PIWIL3: variants seen among roughly 807,000 people sequenced by gnomAD.
PIWIL3 encodes the protein piwi like RNA-mediated gene silencing 3.
A neutral mutation model predicts 109.7 loss-of-function variants in PIWIL3; 101 were observed. The observed-to-expected ratio is 0.92, with a 90% CI of 0.78 to 1.09. PIWIL3 has a LOEUF of 1.09. PIWIL3 is among the 50% of genes least tolerant of loss of function. The probability of loss-of-function intolerance (pLI) is 0.00; values close to 1 mark genes in which losing one functional copy is unlikely to be tolerated. For missense variants in PIWIL3, 1,031 were observed against 1,072.6 expected, an observed-to-expected ratio of 0.96 and a Z score of 0.54; for synonymous variants, 373 against 376.4, an observed-to-expected ratio of 0.99 and a Z score of 0.10.
At chr22:24,727,800 T>G in intron 16 of PIWIL3, 150 bp downstream of exon 16, 1 of 663,144 alleles carries the variant, frequency 1.5e-6, no homozygotes, top group Non-Finnish European at 2.5e-6. Context: ...GAACATAACT[T>G]TGCCAGAAAA....
Position 24,747,465 on chromosome 22 carries a change from T to A in PIWIL3, c.1449+1442A>T, listed in dbSNP as rs376801375. 6.7e-4 allele frequency among the ~76,000 whole-genome samples: 102 copies of A among 152,196 alleles called. 1 individual carries two copies. The South Asian group carries it at 0.021, about 31-fold the overall frequency. ...GCAAAAATGGATATGTAGGATCACA[T>A]CAAGTTAAAAAGCTTCTATGTAGCA... is the stretch of plus-strand genomic sequence containing the variant. On this transcript the variant is annotated intron_variant, in intron 12 of 20. Coordinates refer to ENST00000616349, the MANE Select transcript of PIWIL3 (RefSeq NM_001255975.1).
chr22:24,738,914 T>C (rs911835797), intron 12 of PIWIL3, among the ~76,000 whole-genome samples: 4 of 152,064 alleles, frequency 2.6e-5, no homozygotes, highest in Non-Finnish European at 4.4e-5. Context: ...GAAACAGATA[T>C]GTGACCTTTC....
At chr22:24,729,111 G>C (rs7364162) in intron 14 of PIWIL3, among the ~76,000 whole-genome samples, 3 of 152,192 alleles carry the variant, frequency 2.0e-5, no homozygotes, top group African/African-American at 4.8e-5. Context: ...AGTTGCATAA[G>C]GGGGAGGCTT....
intron 13 of PIWIL3, 104 bp downstream of exon 13, chr22:24,735,604 A>C: frequency 1.7e-6 from 2 of 1,154,466 alleles, no homozygotes; most frequent in Non-Finnish European, 2.4e-6. Flanking sequence ...TACAAACTCT[A>C]AGGTTTTGAT....
Position 24,758,031 on chromosome 22 carries a change from C to T in PIWIL3, c.232G>A (p.Glu78Lys). 6.2e-7 allele frequency: 1 copy of T among 1,608,676 alleles called. No homozygotes were observed. The highest frequency in any genetic ancestry group is 1.1e-5 in the South Asian group (1 of 89,856). ...GGGAQSQGVK[E>K]PGPEAGLHTA... is the part of the protein sequence containing the mutation. ...TGCAACCCAGCCTCAGGTCCAGGTT[C>T]CTTCACCCCTGCATAAATGTAAACG... Residue 78 changes from glutamate to lysine, a missense_variant, in exon 4 of 21, where the codon GAA becomes AAA. Transcript: ENST00000616349.
At chr22:24,747,257 C>T (rs187259411) in intron 12 of PIWIL3, among the ~76,000 whole-genome samples, 44 of 151,820 alleles carry the variant, frequency 2.9e-4, no homozygotes, top group Admixed American at 1.4e-3. Context: ...TATCCATATG[C>T]GGAAGAATGA....
At chr22:24,763,379 C>A (rs113275505) in intron 1 of PIWIL3, among the ~76,000 whole-genome samples, 31 of 152,230 alleles carry the variant, frequency 2.0e-4, no homozygotes, top group African/African-American at 7.0e-4. Context: ...CGGCTCACTG[C>A]AACCTCCGCC....
rs751742804 is a variant in PIWIL3 at position 24,762,514 on chromosome 22, T to G, written c.-15A>C. 6.2e-7 allele frequency: 1 copy of G among 1,607,452 alleles called. No individual in the cohort carries two copies. The highest frequency in any genetic ancestry group is 1.3e-5 in the African/African-American group (1 of 74,732). ...CTACCAGGCATTGTGGTCCTGAAGG[T>G]GATGACCCTGAAGAATACAGTTATA... On this transcript the variant is annotated 5_prime_UTR_variant, in exon 2 of 21. Coordinates refer to ENST00000616349, the MANE Select transcript of PIWIL3 (RefSeq NM_001255975.1).
intron 1 of PIWIL3, among the ~76,000 whole-genome samples, chr22:24,766,392 C>T (rs983764252): frequency 5.3e-5 from 8 of 152,042 alleles, no homozygotes; most frequent in African/African-American, 1.9e-4. Context: ...GATCTCAGCT[C>T]ACTACAAGCT....
chr22:24,740,491 T>G (rs1923938757), intron 12 of PIWIL3, among the ~76,000 whole-genome samples: 1 of 141,052 alleles, frequency 7.1e-6, no homozygotes, highest in African/African-American at 2.7e-5. Context: ...GAGTTTGCAG[T>G]GAGCTGAGAT....
In PIWIL3 at chr22:24,751,417, G is replaced by C; in HGVS notation, c.1059C>G (p.Ser353Arg). 1 of 1,613,880 alleles carries C rather than the reference G, an allele frequency of 6.2e-7. No homozygotes were observed. Among genetic ancestry groups the C allele is most frequent in the Non-Finnish European group, 8.5e-7 (1 of 1,179,970 alleles). Residue 353 changes from serine to arginine, a missense_variant, in exon 9 of 21, where the codon AGC (serine) becomes AGG (arginine). Coordinates refer to ENST00000616349, the MANE Select transcript of PIWIL3 (RefSeq NM_001255975.1). Reference sequence around the variant, plus strand: ...TGTAGTAGTCTATATAGGTGATTTTGCTGCCATCTGATTTGTTAAATGTGT... The same window carrying C: ...TGTAGTAGTCTATATAGGTGATTTTCCTGCCATCTGATTTGTTAAATGTGT... ...PEDTFNKSDGSKITYIDYYRQ... is the reference protein window; with the variant it reads ...PEDTFNKSDGRKITYIDYYRQ...
At position 24,727,965 on chromosome 22, in the gene PIWIL3, T is replaced by C. The variant is rs748501465; in HGVS notation, c.1994A>G (p.Asn665Ser). 16 of 1,612,482 alleles carry C rather than the reference T, an allele frequency of 9.9e-6. No individual in the cohort carries two copies. The highest frequency in any genetic ancestry group is 2.2e-5 in the South Asian group (2 of 91,042). ...GCTTACTTACTTTGTTAATTCAGCA[T>C]TGGTACTTGCAACAAATCCTGCTAT... ...KSIAGFVAST[N>S]AELTKWYSQC... The change falls in exon 16 of 21, where the codon AAT becomes AGT. Residue 665 changes from asparagine to serine, a missense_variant. Asn to Ser is a conservative substitution (Grantham distance 46, BLOSUM62 1). Transcript: ENST00000616349.
intron 18 of PIWIL3, among the ~76,000 whole-genome samples, chr22:24,723,489 T>A (rs893882396): frequency 3.3e-5 from 5 of 152,136 alleles, no homozygotes; most frequent in Admixed American, 3.3e-4. Context: ...CTCACAACTT[T>A]AGGATCATTC....
At chr22:24,744,549 G>A (rs1007545480) in intron 12 of PIWIL3, among the ~76,000 whole-genome samples, 1 of 152,010 alleles carries the variant, frequency 6.6e-6, no homozygotes, top group African/African-American at 2.4e-5. Context: ...CTCCAGCCTG[G>A]GCGACAGAGC....
At chr22:24,761,862 CA>C (rs1366774502) in intron 2 of PIWIL3, 1 of 763,236 alleles carries the variant, frequency 1.3e-6, no homozygotes, top group Non-Finnish European at 1.6e-6. Context: ...AACAGTCAAA[CA>C]GCAGAATAAG....
At chr22:24,720,031 G>C in intron 19 of PIWIL3, 136 bp from the exon 20 acceptor site, 1 of 727,188 alleles carries the variant, frequency 1.4e-6, no homozygotes. Flanking sequence ...TTTACATTTA[G>C]AAACCTAACT....
intron 4 of PIWIL3, among the ~76,000 whole-genome samples, chr22:24,757,079 C>CAAAAA (rs71189275): frequency 3.6e-3 from 325 of 91,438 alleles, no homozygotes; most frequent in Middle Eastern, 6.0e-3. Flanking sequence ...AACTCCGTCT[C>CAAAAA]AAAAAAAAAA....
intron 1 of PIWIL3, among the ~76,000 whole-genome samples, chr22:24,769,449 A>G (rs5760632): frequency 0.34 from 51,020 of 151,738 alleles, 8,844 homozygotes; most frequent in East Asian, 0.55. Flanking sequence ...CCTCTCTACT[A>G]AAAATATAAA....
intron 5 of PIWIL3, 24 bp from the exon 6 acceptor site, chr22:24,755,929 A>G: frequency 6.3e-7 from 1 of 1,599,024 alleles, no homozygotes. Flanking sequence ...AAAACAAAAA[A>G]AAAAGTCCAG....
Sources: allele counts gnomAD v4.1 joint callset (sites outside exome capture counted in the v4.1 genomes callset), GRCh38; gene constraint gnomAD v4.1.1; transcripts MANE v1.5; gene names NCBI Gene and HGNC (gene_info 2026-07-23, HGNC 2026-07-21).